The following FNDC3B variants were observed in gnomAD, a reference collection of about 807,000 sequenced individuals.
FNDC3B encodes fibronectin type III domain containing 3B, also known as fibronectin type III domain-containing protein 3B.
A neutral mutation model predicts 151.5 loss-of-function variants in FNDC3B; 12 were observed. That is an observed-to-expected ratio of 0.08 (90% confidence interval 0.05 to 0.13). The LOEUF is 0.13. Ranked by LOEUF, FNDC3B falls within the 10% of genes least tolerant of loss-of-function variation. FNDC3B has a pLI of 1.00. For missense variants in FNDC3B, 1,214 were observed against 1,505.3 expected (o/e 0.81, Z 3.20); for synonymous variants, 528 against 549.0 (o/e 0.96, Z 0.54).
chr3:172,370,437 T>TA (rs1357113918), intron 23 of FNDC3B, among the ~76,000 whole-genome samples: 2 of 152,228 alleles, frequency 1.3e-5, no homozygotes, highest in Admixed American at 1.3e-4. Flanking sequence ...ATACTGAAAT[T>TA]AAAAGTATAG....
intron 5 of FNDC3B, among the ~76,000 whole-genome samples, chr3:172,249,831 A>G (rs144865527): frequency 6.6e-6 from 1 of 152,202 alleles, no homozygotes; most frequent in African/African-American, 2.4e-5. Flanking sequence ...TGCTTTAGCT[A>G]TGTTAACAGT....
chr3:172,296,537 A>T (rs2108842416), intron 8 of FNDC3B, among the ~76,000 whole-genome samples: 2 of 152,274 alleles, frequency 1.3e-5, no homozygotes, highest in South Asian at 4.1e-4. Context: ...CTCTTCTACA[A>T]GCTTGCCTAC....
intron 3 of FNDC3B, among the ~76,000 whole-genome samples, chr3:172,193,134 C>T (rs1724624456): frequency 8.4e-6 from 1 of 118,534 alleles, no homozygotes; most frequent in Admixed American, 8.4e-5. Context: ...CCCTCCCTTC[C>T]TTTCCCTGCC....
chr3:172,335,429 C>T (rs1446688194), intron 15 of FNDC3B: 1 of 163,086 alleles, frequency 6.1e-6, no homozygotes, highest in East Asian at 1.7e-4. Context: ...ATGCATCGTT[C>T]ATTCTTCAAT....
intron 3 of FNDC3B, among the ~76,000 whole-genome samples, chr3:172,167,771 A>G (rs1013701969): frequency 4.6e-5 from 7 of 152,308 alleles, no homozygotes; most frequent in African/African-American, 1.4e-4. Context: ...TTAGACTCTC[A>G]TAGGAGCACG....
chr3:172,291,754 T>C (rs1730354380), intron 7 of FNDC3B, among the ~76,000 whole-genome samples: 1 of 152,158 alleles, frequency 6.6e-6, no homozygotes, highest in South Asian at 2.1e-4. Context: ...TTCTAAACTT[T>C]TTTGAGGGGT....
At chr3:172,317,930 C>A (rs1429159915) in intron 11 of FNDC3B, among the ~76,000 whole-genome samples, 1 of 152,200 alleles carries the variant, frequency 6.6e-6, no homozygotes, top group Admixed American at 6.5e-5. Context: ...CCAGAAAAAG[C>A]ACTTTGTGGG....
chr3:172,115,339 A>G (rs951964546), intron 2 of FNDC3B, among the ~76,000 whole-genome samples: 1 of 152,182 alleles, frequency 6.6e-6, no homozygotes. Flanking sequence ...ACACAAGAGG[A>G]TGTAGGGAAA....
chr3:172,355,105 A>G (rs1238481600), intron 22 of FNDC3B, among the ~76,000 whole-genome samples: 1 of 152,188 alleles, frequency 6.6e-6, no homozygotes, highest in African/African-American at 2.4e-5. Context: ...TTTTAAAGGC[A>G]TTCCTTTAAG....
rs146746882 is a variant in FNDC3B, at chr3:172,124,358, T to C, written c.112-9113T>C. On this transcript the variant is annotated intron_variant, in intron 2 of 25. Coordinates refer to ENST00000415807, the MANE Select transcript of FNDC3B (RefSeq NM_022763.4). ...TTCCCGCCTTGGCCTCCCAAAGTGC[T>C]GGGATTTCGGGCGTGAGCCACCACG... 5.1e-3 allele frequency among the ~76,000 whole-genome samples: 781 copies of C among 152,364 alleles called. 6 individuals carry two copies. The highest frequency in any genetic ancestry group is 0.018 in the African/African-American group (748 of 41,592).
chr3:172,139,680 G>T (rs1318339420), intron 3 of FNDC3B, among the ~76,000 whole-genome samples: 4 of 151,820 alleles, frequency 2.6e-5, no homozygotes. Flanking sequence ...AAATGGAAAT[G>T]TTTCTTCCTA....
intron 16 of FNDC3B, among the ~76,000 whole-genome samples, chr3:172,339,273 G>T (rs1201402753): frequency 6.6e-6 from 1 of 151,774 alleles, no homozygotes. Context: ...TAAAAACCTG[G>T]TTTAGAACTG....
intron 22 of FNDC3B, among the ~76,000 whole-genome samples, chr3:172,356,499 G>T (rs1325683539): frequency 3.9e-5 from 6 of 152,178 alleles, no homozygotes; most frequent in Non-Finnish European, 8.8e-5. Flanking sequence ...TATAGGTAGA[G>T]ATCTTATCTG....
chr3:172,084,470 T>TACACACACAC (rs774135456), intron 1 of FNDC3B, among the ~76,000 whole-genome samples: 113 of 46,588 alleles, frequency 2.4e-3, no homozygotes, highest in East Asian at 8.5e-3. Flanking sequence ...TATGTATATG[T>TACACACACAC]ATACACACAC....
At chr3:172,095,781 T>A (rs992401687) in intron 1 of FNDC3B, among the ~76,000 whole-genome samples, 2 of 123,988 alleles carry the variant, frequency 1.6e-5, no homozygotes, top group Non-Finnish European at 3.4e-5. Context: ...TAGACTCTTT[T>A]CTTTGTTAAA....
chr3:172,308,357 A>G lies in FNDC3B; in HGVS notation c.1200+856A>G, dbSNP rs141032309. ...AAACAGTAGATTGTTATCAATCTCT[A>G]TAGCAGTTATTTCTCTACATCAATA... On this transcript the variant is annotated intron_variant, in intron 10 of 25. Transcript: ENST00000415807. 2.3e-3 allele frequency among the ~76,000 whole-genome samples: 352 copies of G among 152,334 alleles called. 5 individuals carry two copies. Among genetic ancestry groups the G allele is most frequent in the Middle Eastern group, 0.01 (3 of 294 alleles).
intron 6 of FNDC3B, among the ~76,000 whole-genome samples, chr3:172,255,549 C>T (rs1030004293): frequency 2.4e-4 from 36 of 152,172 alleles, no homozygotes; most frequent in Admixed American, 2.0e-3. Context: ...GGATGACAAG[C>T]GTGAGCCACT....
At chr3:172,239,103 C>T (rs950687832) in intron 4 of FNDC3B, among the ~76,000 whole-genome samples, 1 of 151,508 alleles carries the variant, frequency 6.6e-6, no homozygotes, top group Non-Finnish European at 1.5e-5. Flanking sequence ...ACTCATTTAA[C>T]CAACATTTAC....
At chr3:172,284,563 A>G (rs1252548029) in intron 6 of FNDC3B, among the ~76,000 whole-genome samples, 1 of 151,964 alleles carries the variant, frequency 6.6e-6, no homozygotes, top group East Asian at 1.9e-4. Flanking sequence ...TTTTGAAAAG[A>G]TGAATTTAAG....
Sources: gnomAD v4.1 joint callset for allele counts (sites outside exome capture counted in the v4.1 genomes callset) on GRCh38, gnomAD v4.1.1 for gene constraint, MANE v1.5 for transcripts, NCBI Gene and HGNC (gene_info 2026-07-23, HGNC 2026-07-21) for gene names.